Variants in SMOC1 observed in about 807,000 individuals in gnomAD.
SMOC1 encodes SPARC related modular calcium binding 1, also known as SPARC-related modular calcium-binding protein 1.
Under a neutral mutation model 56.3 loss-of-function variants are expected in SMOC1, and 22 were observed. That is an observed-to-expected ratio of 0.39 (90% CI 0.28 to 0.56). SMOC1 has a LOEUF of 0.56. Among genes scored for constraint, SMOC1 ranks in the 20% least tolerant of loss-of-function variants. The pLI is 0.61. For missense variants in SMOC1, 509 were observed against 565.4 expected (o/e 0.90, Z 1.01); for synonymous variants, 193 against 215.0 (o/e 0.90, Z 0.89).
intron 11 of SMOC1, among the ~76,000 whole-genome samples, chr14:70,026,301 G>A (rs1264464928): frequency 1.3e-5 from 2 of 152,216 alleles, no homozygotes; most frequent in East Asian, 3.9e-4. Context: ...TACTGCCCCT[G>A]CCTTCGGCCC....
chr14:69,965,815 C>T (rs1238491216), intron 3 of SMOC1, among the ~76,000 whole-genome samples: 1 of 152,194 alleles, frequency 6.6e-6, no homozygotes, highest in Non-Finnish European at 1.5e-5. Context: ...CAGACATTTA[C>T]TCAGGAAACT....
rs138965042 is a variant in SMOC1, at chr14:69,903,957, G to A, written c.99+24180G>A. Among the ~76,000 whole-genome samples the A allele has an allele frequency of 1.8e-3, 280 of 151,648 alleles. 1 individual carries two copies. The highest frequency in any genetic ancestry group is 6.6e-3 in the African/African-American group (273 of 41,304). On this transcript the variant is annotated intron_variant, in intron 1 of 11. Coordinates refer to ENST00000361956, the MANE Select transcript of SMOC1 (RefSeq NM_001034852.3). The stretch of plus-strand genomic sequence containing the variant: ...AACCTACTGGAGGAGGAGAGGTCAC[G>A]TGGAGCAGAACCGAAGTCCCCTAGC...
chr14:70,028,229 T>C (rs1001745027), intron 11 of SMOC1, among the ~76,000 whole-genome samples: 13 of 152,202 alleles, frequency 8.5e-5, no homozygotes, highest in Non-Finnish European at 1.6e-4. Context: ...CTGGGATCAT[T>C]GTCACTGTCC....
chr14:69,990,764 A>G (rs1884536258), intron 5 of SMOC1, among the ~76,000 whole-genome samples: 1 of 152,194 alleles, frequency 6.6e-6, no homozygotes, highest in African/African-American at 2.4e-5. Flanking sequence ...TCCAGCATAG[A>G]TACTCTTCTC....
chr14:69,919,616 G>A (rs1331112425), intron 1 of SMOC1, among the ~76,000 whole-genome samples: 3 of 152,158 alleles, frequency 2.0e-5, no homozygotes, highest in African/African-American at 7.2e-5. Flanking sequence ...CCTTGTGAAT[G>A]TGAAGCTGGG....
rs114828548 is a variant in SMOC1 at position 69,923,241 on chromosome 14, G to A, written c.100-28897G>A. On this transcript the variant is annotated intron_variant, in intron 1 of 11. Transcript: ENST00000361956. ...ATTACAGGCATGAGCCACTGCACCCGGCTCAGCCCTCTTTACTGTGCACCC... is the reference window on the plus strand; with the variant it reads ...ATTACAGGCATGAGCCACTGCACCCAGCTCAGCCCTCTTTACTGTGCACCC... Among the ~76,000 whole-genome samples the A allele has an allele frequency of 7.6e-3, 1,154 of 152,258 alleles. 16 individuals carry two copies. The highest frequency in any genetic ancestry group is 0.026 in the African/African-American group (1,077 of 41,538).
At chr14:69,954,067 A>C (rs919134378) in intron 3 of SMOC1, among the ~76,000 whole-genome samples, 2 of 152,086 alleles carry the variant, frequency 1.3e-5, no homozygotes, top group African/African-American at 4.8e-5. Flanking sequence ...TTTAAAACCT[A>C]AGTCAGGCAG....
intron 1 of SMOC1, among the ~76,000 whole-genome samples, chr14:69,947,760 A>G (rs1045662362): frequency 2.6e-5 from 4 of 152,162 alleles, no homozygotes; most frequent in African/African-American, 9.7e-5. Flanking sequence ...AAACGTAACT[A>G]AATATTTGAT....
intron 3 of SMOC1, among the ~76,000 whole-genome samples, chr14:69,972,466 C>T (rs1883798339): frequency 1.3e-5 from 2 of 152,164 alleles, no homozygotes. Flanking sequence ...ATTGTATACC[C>T]CCGCCCTCAC....
chr14:69,936,751 G>A (rs1885305462), intron 1 of SMOC1, among the ~76,000 whole-genome samples: 1 of 152,154 alleles, frequency 6.6e-6, no homozygotes. Flanking sequence ...TGTTTTTTAG[G>A]AAACTTAGAA....
intron 7 of SMOC1, among the ~76,000 whole-genome samples, chr14:69,999,160 G>C (rs962548035): frequency 1.2e-4 from 18 of 152,178 alleles, no homozygotes; most frequent in African/African-American, 3.9e-4. Context: ...CCTGTCACAG[G>C]TAAGCTGTTC....
At chr14:69,916,071 C>T (rs1184538627) in intron 1 of SMOC1, among the ~76,000 whole-genome samples, 10 of 152,160 alleles carry the variant, frequency 6.6e-5, no homozygotes, top group Non-Finnish European at 1.0e-4. Flanking sequence ...TCTATGTGGG[C>T]GTCTGATAGG....
Position 69,994,434 on chromosome 14 carries a change from G to A in SMOC1, c.618G>A (p.Leu206=), listed in dbSNP as rs1221001721. ...ITAPTLWIKH[L]VIKDSKLNNT... is the part of the protein sequence containing the mutation. Reference sequence around the variant, plus strand: ...CCCCAACTCTATGGATTAAACACTTGGTGATCAAGGACTCCAAACTGAACA... The same window carrying A: ...CCCCAACTCTATGGATTAAACACTTAGTGATCAAGGACTCCAAACTGAACA... The change falls in exon 7 of 12, where the codon TTG becomes TTA. Residue 206 remains leucine (L), a synonymous_variant. Coordinates refer to ENST00000361956, the MANE Select transcript of SMOC1 (RefSeq NM_001034852.3). The A allele has an allele frequency of 1.9e-6, 3 of 1,613,946 alleles. No homozygotes were observed. The highest frequency in any genetic ancestry group is 1.3e-5 in the African/African-American group (1 of 74,976).
chr14:69,926,248 G>C (rs1408795862), intron 1 of SMOC1, among the ~76,000 whole-genome samples: 1 of 152,208 alleles, frequency 6.6e-6, no homozygotes, highest in Non-Finnish European at 1.5e-5. Context: ...TCAGATCTCT[G>C]AATTGTGTTC....
rs1006367123 is a variant in SMOC1 at position 70,031,850 on chromosome 14, C to A, written c.*1592C>A. On this transcript the variant is annotated 3_prime_UTR_variant, in exon 12 of 12. Transcript: ENST00000361956. The stretch of plus-strand genomic sequence containing the variant: ...CTGGACTGGTCCCCTCCTCAGATCA[C>A]CCTTGCAAATCTGGCCTCATCTTGT... 7.2e-5 allele frequency: 11 copies of A among 152,392 alleles called. No individual in the cohort carries two copies. Among genetic ancestry groups the A allele is most frequent in the Non-Finnish European group, 1.5e-4 (10 of 68,182 alleles). The allele number at this position is 152,392 out of a possible 1,614,324, so 9.4% of individuals were successfully genotyped here. A position where few individuals can be genotyped will look rare whatever the true frequency, so the allele number is the denominator to read the frequency against.
intron 1 of SMOC1, among the ~76,000 whole-genome samples, chr14:69,923,768 C>G (rs757543286): frequency 6.6e-6 from 1 of 152,178 alleles, no homozygotes; most frequent in Non-Finnish European, 1.5e-5. Context: ...AGGGATATAC[C>G]TATCCTGCCC....
intron 1 of SMOC1, among the ~76,000 whole-genome samples, chr14:69,919,641 C>T (rs1014058966): frequency 1.3e-5 from 2 of 152,130 alleles, no homozygotes; most frequent in African/African-American, 4.8e-5. Flanking sequence ...AAGCTTGGCC[C>T]AGTGGGACTC....
chr14:69,889,878 C>T (rs991925686), intron 1 of SMOC1, among the ~76,000 whole-genome samples: 32 of 152,200 alleles, frequency 2.1e-4, no homozygotes, highest in Admixed American at 1.6e-3. Flanking sequence ...CCTCATGCTG[C>T]CAGGGTCTCT....
intron 1 of SMOC1, among the ~76,000 whole-genome samples, chr14:69,892,518 T>G: frequency 6.6e-6 from 1 of 152,184 alleles, no homozygotes; most frequent in East Asian, 1.9e-4. Context: ...ATCTAGTCAT[T>G]AAATTTTTTT....
Sources: allele counts gnomAD v4.1 joint callset (sites outside exome capture counted in the v4.1 genomes callset), GRCh38; gene constraint gnomAD v4.1.1; transcripts MANE v1.5; gene names NCBI Gene and HGNC (gene_info 2026-07-23, HGNC 2026-07-21).